PHYH: variants seen among roughly 807,000 people sequenced by gnomAD.
The protein encoded by PHYH is phytanoyl-CoA dioxygenase, peroxisomal.
In PHYH, 32 loss-of-function variants were observed where a neutral mutation model predicts 38.5. The ratio of observed to expected loss-of-function variants is 0.83; its 90% confidence interval spans 0.63 to 1.12. The LOEUF is 1.12. Among genes scored for constraint, PHYH ranks in the 50% most tolerant of loss-of-function variants. The pLI is 0.00. For missense variants in PHYH, 426 were observed against 434.8 expected (o/e 0.98, Z 0.18); for synonymous variants, 166 against 157.9 (o/e 1.05, Z -0.38).
intron 1 of PHYH, 51 bp downstream of exon 1, chr10:13,299,917 G>T (rs997744988): frequency 8.9e-5 from 132 of 1,489,254 alleles, no homozygotes; most frequent in Non-Finnish European, 1.1e-4. Context: ...CCACTCAGGC[G>T]GCGGCGCCGG....
At chr10:13,284,535 C>T (rs548798370) in intron 6 of PHYH, among the ~76,000 whole-genome samples, 1 of 152,254 alleles carries the variant, frequency 6.6e-6, no homozygotes, top group Admixed American at 6.5e-5. Context: ...CCAGTGTGTT[C>T]TCCTCCTCGC....
At chr10:13,299,855 C>A (rs1056461637) in intron 1 of PHYH, 113 bp downstream of exon 1, 2 of 1,343,234 alleles carry the variant, frequency 1.5e-6, no homozygotes, top group Admixed American at 4.0e-5. Context: ...AGCGAGGAGG[C>A]GCTGGGGCTG....
intron 3 of PHYH, chr10:13,294,844 A>G: frequency 2.0e-6 from 1 of 511,964 alleles, no homozygotes. Flanking sequence ...GTTACATTGT[A>G]ATAATAATAA....
At chr10:13,298,767 A>ACTG (rs55843700) in intron 1 of PHYH, among the ~76,000 whole-genome samples, 18,106 of 111,546 alleles carry the variant, frequency 0.16, 1,567 homozygotes, top group East Asian at 0.31. Flanking sequence ...TACTACTGCT[A>ACTG]CTACTACTAC....
intron 8 of PHYH, 136 bp downstream of exon 8, chr10:13,280,840 G>T: frequency 4.8e-6 from 4 of 829,210 alleles, no homozygotes; most frequent in East Asian, 5.0e-5. Flanking sequence ...TTTTTGGTGG[G>T]GGCTCAGCGA....
At chr10:13,283,021 A>G (rs1322207807) in intron 7 of PHYH, among the ~76,000 whole-genome samples, 3 of 151,304 alleles carry the variant, frequency 2.0e-5, no homozygotes, top group Non-Finnish European at 4.4e-5. Context: ...GGGTCTCGCC[A>G]TGTTGCCCAG....
At chr10:13,292,056 A>G in intron 4 of PHYH, 144 bp from the exon 5 acceptor site, 1 of 671,534 alleles carries the variant, frequency 1.5e-6, no homozygotes, top group East Asian at 2.7e-5. Context: ...CATTGCAAAC[A>G]AAGCATGAAA....
chr10:13,289,056 A>T (rs185462283), intron 5 of PHYH, among the ~76,000 whole-genome samples: 1 of 152,046 alleles, frequency 6.6e-6, no homozygotes, highest in African/African-American at 2.4e-5. Context: ...AGAGATAAAC[A>T]CCAAATTGGA....
chr10:13,295,264 G>A, intron 3 of PHYH: 1 of 497,736 alleles, frequency 2.0e-6, no homozygotes, highest in Non-Finnish European at 3.6e-6. Context: ...AGGAACTTGA[G>A]GCCGCAGTAA....
At chr10:13,282,591 CAAA>C (rs890313204) in intron 7 of PHYH, among the ~76,000 whole-genome samples, 2 of 79,390 alleles carry the variant, frequency 2.5e-5, no homozygotes, top group Non-Finnish European at 4.6e-5. Flanking sequence ...GACTCCACCT[CAAA>C]AAAAAAAAAA....
intron 3 of PHYH, 124 bp downstream of exon 3, chr10:13,295,372 A>G (rs571381882): frequency 2.9e-6 from 2 of 692,144 alleles, no homozygotes; most frequent in Non-Finnish European, 5.3e-6. Context: ...CCATGCTTCT[A>G]AACACTTCCC....
At chr10:13,297,970 G>A (rs1438090998) in intron 2 of PHYH, among the ~76,000 whole-genome samples, 1 of 151,558 alleles carries the variant, frequency 6.6e-6, no homozygotes, top group Non-Finnish European at 1.5e-5. Flanking sequence ...TGTATTTTCT[G>A]GTATTTTTCC....
At chr10:13,295,133 G>A (rs1210770526) in intron 3 of PHYH, 1 of 286,822 alleles carries the variant, frequency 3.5e-6, no homozygotes, top group Non-Finnish European at 6.7e-6. Flanking sequence ...GACCAGCCTG[G>A]GCAACATAGT....
At chr10:13,297,954 G>A (rs771507180) in intron 2 of PHYH, among the ~76,000 whole-genome samples, 4 of 151,482 alleles carry the variant, frequency 2.6e-5, no homozygotes, top group East Asian at 2.0e-4. Flanking sequence ...AATAAATGTC[G>A]GATTATGTAT....
At chr10:13,291,627 T>C (rs1423969571) in intron 5 of PHYH, 8 of 566,142 alleles carry the variant, frequency 1.4e-5, no homozygotes, top group Admixed American at 1.2e-4. Context: ...TACAAGTGCA[T>C]ACCACCATGC....
chr10:13,292,245 C>T (rs531862944), intron 4 of PHYH, among the ~76,000 whole-genome samples: 1 of 152,184 alleles, frequency 6.6e-6, no homozygotes, highest in Non-Finnish European at 1.5e-5. Flanking sequence ...AGGGCAGTTT[C>T]CTCTTCCTCA....
chr10:13,283,881 C>T, intron 6 of PHYH, 42 bp from the exon 7 acceptor site: 1 of 1,553,976 alleles, frequency 6.4e-7, no homozygotes, highest in South Asian at 1.1e-5. Flanking sequence ...GAGGGAGTAC[C>T]ATAATTAAAA....
At chr10:13,288,691 C>T (rs1835622951) in intron 5 of PHYH, 150 bp from the exon 6 acceptor site, 4 of 712,872 alleles carry the variant, frequency 5.6e-6, no homozygotes, top group African/African-American at 1.8e-5. Flanking sequence ...AAAACCATCC[C>T]GGGAAACACA....
intron 6 of PHYH, among the ~76,000 whole-genome samples, chr10:13,285,833 A>T (rs1835535909): frequency 6.6e-6 from 1 of 150,992 alleles, no homozygotes; most frequent in Admixed American, 6.6e-5. Flanking sequence ...CGAACTCCTG[A>T]CCTCAAGTGA....
Sources: gnomAD v4.1 joint callset for allele counts (sites outside exome capture counted in the v4.1 genomes callset) on GRCh38, gnomAD v4.1.1 for gene constraint, MANE v1.5 for transcripts, NCBI Gene and HGNC (gene_info 2026-07-23, HGNC 2026-07-21) for gene names.